The following SAMD12 variants were observed in gnomAD, a reference collection of about 807,000 sequenced individuals.
The protein encoded by SAMD12 is sterile alpha motif domain containing 12.
In SAMD12, 9 loss-of-function variants were observed where a neutral mutation model predicts 15.0. The observed-to-expected ratio is 0.60, with a 90% CI of 0.36 to 1.05. The LOEUF (loss-of-function observed/expected upper bound fraction) is 1.05, where lower values mean the gene tolerates loss of function less well. Ranked by LOEUF, SAMD12 falls within the 50% of genes least tolerant of loss-of-function variation. SAMD12 has a pLI of 0.01. For synonymous variants in SAMD12, 86 were observed against 90.1 expected (o/e 0.96, Z 0.25); for missense variants, 230 against 234.2 (o/e 0.98, Z 0.12).
intron 4 of SAMD12, among the ~76,000 whole-genome samples, chr8:118,327,177 T>A (rs1816606565): frequency 6.6e-6 from 1 of 152,090 alleles, no homozygotes; most frequent in Non-Finnish European, 1.5e-5. Flanking sequence ...TTTTTGTTTC[T>A]GTGTGTGTGT....
chr8:118,383,351 G>C (rs1819772203), intron 3 of SAMD12, among the ~76,000 whole-genome samples: 1 of 152,088 alleles, frequency 6.6e-6, no homozygotes, highest in Non-Finnish European at 1.5e-5. Flanking sequence ...CTCAGAACAG[G>C]GTGATCTAAC....
At position 118,215,629 on chromosome 8, in the gene SAMD12, C is replaced by A. The variant is rs559049610; in HGVS notation, c.434-17897G>T. Among the ~76,000 whole-genome samples the A allele has an allele frequency of 9.7e-4, 147 of 151,772 alleles. 1 individual carries two copies. Among genetic ancestry groups the A allele is most frequent in the Non-Finnish European group, 8.8e-4 (60 of 67,924 alleles). ...TCCCTCCCCTCTCCCCCCACCCCAC[C>A]ACAGTCCCCAGAGTGTGATATTCCC... On this transcript the variant is annotated intron_variant, in intron 4 of 4. Coordinates refer to the SAMD12 transcript ENST00000409003.
chr8:118,372,085 G>C (rs1819134112), intron 4 of SAMD12, among the ~76,000 whole-genome samples: 1 of 152,136 alleles, frequency 6.6e-6, no homozygotes. Flanking sequence ...GCATGAAAGA[G>C]CCTGGAAATT....
At chr8:118,301,189 C>T (rs1815005646) in intron 4 of SAMD12, among the ~76,000 whole-genome samples, 1 of 151,970 alleles carries the variant, frequency 6.6e-6, no homozygotes, top group African/African-American at 2.4e-5. Context: ...TTTGAAAATG[C>T]AAAGAGCAAA....
chr8:118,441,994 A>G (rs1418413857), intron 2 of SAMD12, among the ~76,000 whole-genome samples: 2 of 152,182 alleles, frequency 1.3e-5, no homozygotes, highest in Non-Finnish European at 2.9e-5. Flanking sequence ...AACAAGCCTC[A>G]GATGATTCCA....
At chr8:118,323,884 C>A (rs1165910387) in intron 4 of SAMD12, among the ~76,000 whole-genome samples, 1 of 151,948 alleles carries the variant, frequency 6.6e-6, no homozygotes, top group Non-Finnish European at 1.5e-5. Flanking sequence ...ACAGGGGAAA[C>A]CTTTAATTCA....
downstream of SAMD12, among the ~76,000 whole-genome samples, chr8:118,189,110 C>T (rs951995914): frequency 6.6e-6 from 1 of 152,024 alleles, no homozygotes; most frequent in Non-Finnish European, 1.5e-5. Context: ...AGTGTGTTTA[C>T]CATGTCTGAG....
chr8:118,384,510 A>G (rs1819840326), intron 3 of SAMD12, among the ~76,000 whole-genome samples: 1 of 152,120 alleles, frequency 6.6e-6, no homozygotes, highest in South Asian at 2.1e-4. Flanking sequence ...TATATTTTTA[A>G]TAACTTTACA....
intron 4 of SAMD12, among the ~76,000 whole-genome samples, chr8:118,299,965 G>A (rs1360612534): frequency 6.6e-6 from 1 of 152,132 alleles, no homozygotes; most frequent in Non-Finnish European, 1.5e-5. Context: ...ATTGGGATAA[G>A]TCTGTCAATG....
chr8:118,352,917 A>G (rs1818029369), intron 4 of SAMD12, among the ~76,000 whole-genome samples: 1 of 152,172 alleles, frequency 6.6e-6, no homozygotes, highest in Non-Finnish European at 1.5e-5. Flanking sequence ...CCCTGCAGGT[A>G]TATCAAAAAA....
chr8:118,145,138 G>T, the SAMD12 span, among the ~76,000 whole-genome samples: 1 of 152,164 alleles, frequency 6.6e-6, no homozygotes, highest in East Asian at 1.9e-4. Context: ...TTTAAAATTT[G>T]CTATTTTGAT....
intron 4 of SAMD12, among the ~76,000 whole-genome samples, chr8:118,296,649 G>A (rs1170581284): frequency 1.3e-5 from 2 of 152,206 alleles, no homozygotes; most frequent in Non-Finnish European, 2.9e-5. Context: ...GCTATTTGCT[G>A]ACACAGCCGA....
At chr8:118,451,762 G>C (rs1237271230) in intron 2 of SAMD12, among the ~76,000 whole-genome samples, 1 of 152,084 alleles carries the variant, frequency 6.6e-6, no homozygotes, top group Non-Finnish European at 1.5e-5. Flanking sequence ...ATTACGGTAG[G>C]GGGTGGTCTA....
At chr8:118,229,220 A>T (rs988980085) in intron 4 of SAMD12, among the ~76,000 whole-genome samples, 2 of 152,120 alleles carry the variant, frequency 1.3e-5, no homozygotes, top group Non-Finnish European at 2.9e-5. Flanking sequence ...CAAAATCACA[A>T]ATCACCACCA....
chr8:118,571,662 A>T (rs1367397134), intron 2 of SAMD12, among the ~76,000 whole-genome samples: 2 of 152,198 alleles, frequency 1.3e-5, no homozygotes, highest in Non-Finnish European at 2.9e-5. Flanking sequence ...CCGTCGCTTC[A>T]GAGGGTGAAA....
chr8:118,580,653 G>A lies in SAMD12; in HGVS notation c.192+62C>T, dbSNP rs1827269309. 15 of 1,205,910 alleles carry A rather than the reference G, an allele frequency of 1.2e-5. No homozygotes were observed. The South Asian group carries it at 1.9e-4, about 15-fold the overall frequency. The allele number at this position is 1,205,910 out of a possible 1,614,324, so 74.7% of individuals were successfully genotyped here. On this transcript the variant is annotated intron_variant, in intron 2 of 3. Transcript: ENST00000314727. ...GCACTATCAGCTCTTCTCTGTAGCT[G>A]GACTACAACATATAAAGGCTGCAGC...
chr8:118,242,624 G>A (rs1812598816), intron 4 of SAMD12, among the ~76,000 whole-genome samples: 3 of 151,940 alleles, frequency 2.0e-5, no homozygotes, highest in Admixed American at 6.6e-5. Flanking sequence ...GTGGTTTCAG[G>A]CCTCCACTGG....
At chr8:118,196,863 G>A (rs1048087774) in exon 5 of SAMD12, 1 of 152,148 alleles carries the variant, frequency 6.6e-6, no homozygotes, top group Admixed American at 6.5e-5. Flanking sequence ...GTACCTGTAT[G>A]TTCATGTGGT....
At chr8:118,336,691 C>T (rs372101082) in intron 4 of SAMD12, among the ~76,000 whole-genome samples, 20 of 152,262 alleles carry the variant, frequency 1.3e-4, no homozygotes, top group African/African-American at 4.8e-4. Flanking sequence ...CCTGTTGTTT[C>T]CTGACTTTTT....
Sources: allele counts gnomAD v4.1 joint callset (sites outside exome capture counted in the v4.1 genomes callset), GRCh38; gene constraint gnomAD v4.1.1; transcripts MANE v1.5; gene names NCBI Gene and HGNC (gene_info 2026-07-23, HGNC 2026-07-21).